Variants in PDE4B observed in about 807,000 individuals in gnomAD.
PDE4B encodes the protein phosphodiesterase 4B.
In PDE4B, 20 loss-of-function variants were observed where a neutral mutation model predicts 82.2. The ratio of observed to expected loss-of-function variants is 0.24; its 90% CI spans 0.17 to 0.35. The LOEUF (loss-of-function observed/expected upper bound fraction) is 0.35. Ranked by LOEUF, PDE4B falls within the 10% of genes least tolerant of loss-of-function variation. The pLI is 1.00. For synonymous variants in PDE4B, 320 were observed against 318.9 expected (o/e 1.00, Z -0.04); for missense variants, 655 against 907.2 (o/e 0.72, Z 3.57).
chr1:66,185,124 A>G (rs1307357656), intron 3 of PDE4B, among the ~76,000 whole-genome samples: 1 of 151,996 alleles, frequency 6.6e-6, no homozygotes, highest in African/African-American at 2.4e-5. Context: ...GTTTGCTGAG[A>G]ATGATGGTTT....
intron 3 of PDE4B, among the ~76,000 whole-genome samples, chr1:65,955,765 G>C (rs1441956616): frequency 6.6e-6 from 1 of 152,092 alleles, no homozygotes; most frequent in African/African-American, 2.4e-5. Flanking sequence ...ACAGTAACAT[G>C]CTCTTCAGTC....
chr1:66,066,963 G>T (rs1557537075), intron 3 of PDE4B, among the ~76,000 whole-genome samples: 1 of 152,000 alleles, frequency 6.6e-6, no homozygotes, highest in East Asian at 1.9e-4. Context: ...TTTTGGTTCA[G>T]AGCAGTTTTA....
intron 3 of PDE4B, among the ~76,000 whole-genome samples, chr1:66,192,522 C>T (rs759035348): frequency 2.8e-4 from 43 of 152,086 alleles, no homozygotes; most frequent in South Asian, 1.2e-3. Context: ...CACCTCTTGG[C>T]CATGAAACCC....
rs1261132695 is a variant in PDE4B at position 66,332,614 on chromosome 1, T to C, written c.741T>C (p.Ser247=). 6.2e-7 allele frequency: 1 copy of C among 1,613,850 alleles called. No homozygotes were observed. Residue 247 remains serine (S), a synonymous_variant, in exon 8 of 17, where the codon TCT becomes TCC. Transcript: ENST00000341517. ...QTYRSVSEMA[S]NKFKRMLNRE... Reference sequence around the variant, plus strand: ...ACCGGTCTGTCAGTGAGATGGCTTCTAACAAGGTAAGAGATGATCTTTTTA... The same window carrying C: ...ACCGGTCTGTCAGTGAGATGGCTTCCAACAAGGTAAGAGATGATCTTTTTA...
intron 3 of PDE4B, among the ~76,000 whole-genome samples, chr1:65,957,871 A>T (rs1476120457): frequency 6.6e-6 from 1 of 152,120 alleles, no homozygotes; most frequent in Admixed American, 6.6e-5. Context: ...CATTACAACC[A>T]GCTGTTTGTT....
At chr1:66,360,831 G>T (rs145214258) in intron 9 of PDE4B, 1 of 151,796 alleles carries the variant, frequency 6.6e-6, no homozygotes. Flanking sequence ...CTGTTACCTT[G>T]TTGTAACATA....
Position 66,039,398 on chromosome 1 carries a change from CAT to C in PDE4B, c.281+120565_281+120566del, listed in dbSNP as rs374317728. On this transcript the variant is annotated intron_variant, in intron 3 of 16. Transcript: ENST00000341517. ...CAGACAGATTAACTGCTTTTCAAGA[CAT>C]AGAGAATTCATGGTAACTGGTTTAT... Among the ~76,000 whole-genome samples the C allele has an allele frequency of 5.8e-4, 89 of 152,176 alleles. No individual in the cohort carries two copies. In the East Asian group the frequency reaches 0.012, roughly 20 times the overall value.
At chr1:65,870,711 C>T (rs979558463) in intron 1 of PDE4B, among the ~76,000 whole-genome samples, 6 of 152,012 alleles carry the variant, frequency 3.9e-5, no homozygotes, top group African/African-American at 1.2e-4. Context: ...TGCATTGGAT[C>T]CTTTAAGTAA....
intron 3 of PDE4B, among the ~76,000 whole-genome samples, chr1:66,034,935 G>A (rs898188187): frequency 1.3e-5 from 2 of 151,992 alleles, no homozygotes; most frequent in African/African-American, 4.8e-5. Context: ...TGAGGATGGG[G>A]GACTGTTTAA....
At chr1:65,795,133 A>T (rs1249866663) in intron 1 of PDE4B, among the ~76,000 whole-genome samples, 1 of 152,244 alleles carries the variant, frequency 6.6e-6, no homozygotes, top group South Asian at 2.1e-4. Flanking sequence ...GTGTATGTAC[A>T]AATAAAGGCT....
chr1:65,993,750 G>A (rs1456371651), intron 3 of PDE4B, among the ~76,000 whole-genome samples: 1 of 151,966 alleles, frequency 6.6e-6, no homozygotes, highest in Non-Finnish European at 1.5e-5. Context: ...TTATCTTTAA[G>A]AGCTTCTTTT....
intron 7 of PDE4B, among the ~76,000 whole-genome samples, chr1:66,286,523 CAAAACAAACAA>C (rs1656688992): frequency 6.6e-6 from 1 of 152,068 alleles, no homozygotes; most frequent in Admixed American, 6.6e-5. Context: ...CCACATTCCC[CAAAACAAACAA>C]GACAGCATGG....
intron 1 of PDE4B, among the ~76,000 whole-genome samples, chr1:65,813,201 T>G (rs1645839643): frequency 6.6e-6 from 1 of 152,190 alleles, no homozygotes; most frequent in Non-Finnish European, 1.5e-5. Flanking sequence ...GGGTTGGTTG[T>G]TAATACTTTG....
chr1:66,202,597 T>G (rs1026004737), intron 3 of PDE4B, among the ~76,000 whole-genome samples: 1 of 151,720 alleles, frequency 6.6e-6, no homozygotes, highest in Admixed American at 6.5e-5. Flanking sequence ...TTTACCATTA[T>G]GTAATGGCCT....
chr1:66,182,168 A>G (rs191829270), intron 3 of PDE4B, among the ~76,000 whole-genome samples: 1 of 152,220 alleles, frequency 6.6e-6, no homozygotes. Context: ...GCAGAGCACT[A>G]GCTTCCTTCC....
intron 3 of PDE4B, among the ~76,000 whole-genome samples, chr1:66,133,317 C>A: frequency 6.6e-6 from 1 of 152,282 alleles, no homozygotes; most frequent in South Asian, 2.1e-4. Flanking sequence ...CACCATCAAA[C>A]AAGTATCTGA....
chr1:66,320,317 T>C (rs6667596), intron 7 of PDE4B, among the ~76,000 whole-genome samples: 23,161 of 152,060 alleles, frequency 0.15, 3,361 homozygotes, highest in African/African-American at 0.38. Context: ...TGAATGTGGG[T>C]ACTCAGTGAG....
Position 66,332,624 on chromosome 1 carries a change from A to G in PDE4B, c.747+4A>G, listed in dbSNP as rs1660207678. Reference sequence around the variant, plus strand: ...CAGTGAGATGGCTTCTAACAAGGTAAGAGATGATCTTTTTATTCATTAAAG... The same window carrying G: ...CAGTGAGATGGCTTCTAACAAGGTAGGAGATGATCTTTTTATTCATTAAAG... On this transcript the variant is annotated splice_donor_region_variant and intron_variant, in intron 8 of 16. Transcript: ENST00000341517. The G allele has an allele frequency of 6.2e-7, 1 of 1,612,888 alleles. No homozygotes were observed. Among genetic ancestry groups the G allele is most frequent in the Non-Finnish European group, 8.5e-7 (1 of 1,179,326 alleles).
At chr1:66,283,031 T>A (rs1018678061) in intron 7 of PDE4B, among the ~76,000 whole-genome samples, 3 of 152,176 alleles carry the variant, frequency 2.0e-5, no homozygotes, top group Non-Finnish European at 2.9e-5. Flanking sequence ...CACAGTTCAT[T>A]AGCAAACATT....
Sources: gnomAD v4.1 joint callset for allele counts (sites outside exome capture counted in the v4.1 genomes callset) on GRCh38, gnomAD v4.1.1 for gene constraint, MANE v1.5 for transcripts, NCBI Gene and HGNC (gene_info 2026-07-23, HGNC 2026-07-21) for gene names.